PCCB: variants seen among roughly 807,000 people sequenced by gnomAD.
The protein encoded by PCCB is propionyl-CoA carboxylase subunit beta, also known as propionyl-CoA carboxylase beta chain, mitochondrial.
A neutral mutation model predicts 60.7 loss-of-function variants in PCCB; 43 were observed. The observed-to-expected ratio is 0.71, with a 90% CI of 0.55 to 0.91. PCCB has a LOEUF of 0.91. Among genes scored for constraint, PCCB ranks in the 40% least tolerant of loss-of-function variants. The pLI, the probability that PCCB is intolerant of heterozygous loss-of-function variation, is 0.00. For synonymous variants in PCCB, 276 were observed against 255.9 expected, an observed-to-expected ratio of 1.08 and a Z score of -0.75; for missense variants, 766 against 702.8, an observed-to-expected ratio of 1.09 and a Z score of -1.02.
chr3:136,330,101 C>T lies in PCCB; in HGVS notation c.*75C>T. 1 of 1,609,192 alleles carries T rather than the reference C, an allele frequency of 6.2e-7. No homozygotes were observed. Among genetic ancestry groups the T allele is most frequent in the South Asian group, 1.1e-5 (1 of 90,570 alleles). On this transcript the variant is annotated 3_prime_UTR_variant, in exon 15 of 15. Coordinates refer to ENST00000251654, the MANE Select transcript of PCCB (RefSeq NM_000532.5). ...ACATCCCATTCCTGCCTTTTGCAAT[C>T]ATGAAACCTGGGAATCCAAATAGTT...
chr3:136,265,145 A>T (rs1941952310), intron 5 of PCCB, among the ~76,000 whole-genome samples: 1 of 152,220 alleles, frequency 6.6e-6, no homozygotes, highest in South Asian at 2.1e-4. Flanking sequence ...GTGAACTGAG[A>T]TCATGCCACT....
At chr3:136,282,708 T>C (rs748096972) in intron 5 of PCCB, among the ~76,000 whole-genome samples, 1 of 152,228 alleles carries the variant, frequency 6.6e-6, no homozygotes, top group South Asian at 2.1e-4. Context: ...GCAGTGTTTA[T>C]AATCACATAT....
At chr3:136,300,978 A>G (rs1934250678) in intron 8 of PCCB, 52 bp from the exon 9 acceptor site, 1 of 1,372,800 alleles carries the variant, frequency 7.3e-7, no homozygotes, top group African/African-American at 1.4e-5. Context: ...TTCCCACAAA[A>G]GGTAACTGGC....
chr3:136,296,032 C>A (rs1933920170), intron 7 of PCCB, among the ~76,000 whole-genome samples: 1 of 152,064 alleles, frequency 6.6e-6, no homozygotes, highest in African/African-American at 2.4e-5. Flanking sequence ...GGGCAAGGCA[C>A]AAAAAGGTGC....
rs1002723398 is a variant in PCCB, at chr3:136,260,241, C to A, written c.373-238C>A. On this transcript the variant is annotated intron_variant, in intron 3 of 14. Coordinates refer to ENST00000251654, the MANE Select transcript of PCCB (RefSeq NM_000532.5). ...GGCATGTGCCACCATGCGCAGCTAA[C>A]TTTTTTCTATATTTTTTGCAGATAC... 1.1e-5 allele frequency: 6 copies of A among 570,410 alleles called. No individual in the cohort carries two copies. The Admixed American group carries it at 1.1e-4, about 11-fold the overall frequency. 35.3% of individuals were successfully genotyped at this position (570,410 alleles called of 1,614,324 possible).
chr3:136,265,005 C>T (rs939294360), intron 5 of PCCB, among the ~76,000 whole-genome samples: 3 of 151,456 alleles, frequency 2.0e-5, no homozygotes, highest in African/African-American at 7.3e-5. Flanking sequence ...ACCAGCCTGG[C>T]CAAGATGGTG....
In PCCB at chr3:136,256,572, G is replaced by A; in HGVS notation, c.321G>A (p.Val107=). The A allele has an allele frequency of 6.2e-7, 1 of 1,612,580 alleles. No homozygotes were observed. Among genetic ancestry groups the A allele is most frequent in the Non-Finnish European group, 8.5e-7 (1 of 1,178,606 alleles). ...TCTGGTAGTTTCCTGGAGACAGCGT[G>A]GTCACTGGACGAGGCCGAATCAATG... ...ADKNKFPGDS[V]VTGRGRINGR... The change falls in exon 3 of 15, where the codon GTG becomes GTA. Residue 107 remains valine (V), a synonymous_variant. Coordinates refer to ENST00000251654, the MANE Select transcript of PCCB (RefSeq NM_000532.5).
chr3:136,315,325 C>T (rs1177374009), intron 9 of PCCB, among the ~76,000 whole-genome samples: 1 of 151,240 alleles, frequency 6.6e-6, no homozygotes, highest in Non-Finnish European at 1.5e-5. Context: ...ATCACGAGGT[C>T]GAGATCGAGA....
chr3:136,326,505 C>T, intron 10 of PCCB: 1 of 659,968 alleles, frequency 1.5e-6, no homozygotes, highest in Non-Finnish European at 2.7e-6. Flanking sequence ...TGAATGCTGC[C>T]TCCCACTGAT....
Position 136,257,622 on chromosome 3 carries a change from C to T in PCCB, c.372+999C>T, listed in dbSNP as rs76507396. Among the ~76,000 whole-genome samples, 59 of 152,212 alleles carry T rather than the reference C, an allele frequency of 3.9e-4. No individual in the cohort carries two copies. In the East Asian group the frequency reaches 0.01, roughly 26 times the overall value. On this transcript the variant is annotated intron_variant, in intron 3 of 14. Coordinates refer to ENST00000251654, the MANE Select transcript of PCCB (RefSeq NM_000532.5). ...TGTATATAATTTAAAATGCTTAGGT[C>T]TTTTTACAGACCTAAAGTTTGATAT...
chr3:136,279,839 T>C (rs952615976), intron 5 of PCCB, among the ~76,000 whole-genome samples: 5 of 152,068 alleles, frequency 3.3e-5, no homozygotes, highest in Non-Finnish European at 7.4e-5. Context: ...GGCTAATTTT[T>C]GTATTTTTAG....
chr3:136,286,309 C>G (rs1234965343), intron 6 of PCCB, among the ~76,000 whole-genome samples: 1 of 152,232 alleles, frequency 6.6e-6, no homozygotes, highest in Admixed American at 6.5e-5. Context: ...TTTGCTCTAG[C>G]TGATCACTCC....
chr3:136,289,915 A>G (rs1933596668), intron 6 of PCCB, among the ~76,000 whole-genome samples: 1 of 152,098 alleles, frequency 6.6e-6, no homozygotes, highest in African/African-American at 2.4e-5. Context: ...TAGCAAAATC[A>G]TTCTAATTCC....
chr3:136,293,744 C>CT lies in PCCB; in HGVS notation c.655-8dup, dbSNP rs1933807987. 1 of 1,559,756 alleles carries CT rather than the reference C, an allele frequency of 6.4e-7. No homozygotes were observed. Among genetic ancestry groups the CT allele is most frequent in the Non-Finnish European group, 8.8e-7 (1 of 1,130,834 alleles). On this transcript the variant is annotated splice_polypyrimidine_tract_variant and intron_variant, in intron 6 of 14. Coordinates refer to ENST00000251654, the MANE Select transcript of PCCB (RefSeq NM_000532.5). Reference sequence around the variant, plus strand: ...CTCTGAGGTTGACTGTTCTGGAAATCTTTTATTTCAGGACACCTCCTACCT... The same window carrying CT: ...CTCTGAGGTTGACTGTTCTGGAAATCTTTTTATTTCAGGACACCTCCTACCT...
At chr3:136,288,489 G>T (rs1933526585) in intron 6 of PCCB, among the ~76,000 whole-genome samples, 1 of 151,322 alleles carries the variant, frequency 6.6e-6, no homozygotes, top group Non-Finnish European at 1.5e-5. Context: ...GGGACTACAG[G>T]CACACACTGC....
At chr3:136,311,990 T>G (rs544293997) in intron 9 of PCCB, among the ~76,000 whole-genome samples, 4 of 152,186 alleles carry the variant, frequency 2.6e-5, no homozygotes, top group Admixed American at 6.5e-5. Flanking sequence ...CAAGAATACC[T>G]AAGAATATAC....
intron 10 of PCCB, 69 bp downstream of exon 10, chr3:136,317,133 C>T: frequency 1.9e-6 from 3 of 1,544,414 alleles, no homozygotes; most frequent in Non-Finnish European, 2.7e-6. Flanking sequence ...CCATGGTATC[C>T]TTTCTGTCTT....
intron 5 of PCCB, among the ~76,000 whole-genome samples, chr3:136,279,927 A>G (rs1452890996): frequency 1.3e-5 from 2 of 152,088 alleles, no homozygotes; most frequent in African/African-American, 2.4e-5. Flanking sequence ...CGGCCTCCCA[A>G]AGTGCTGGGA....
chr3:136,293,769 T>G lies in PCCB; in HGVS notation c.668T>G (p.Leu223Arg). Residue 223 changes from leucine (L) to arginine (R), a missense_variant, in exon 7 of 15, where the codon CTG (leucine) becomes CGG (arginine). Transcript: ENST00000251654. ...CTTTTATTTCAGGACACCTCCTACC[T>G]GTTCATCACTGGCCCTGATGTTGTG... Reference protein sequence around the residue: ...FTFMVKDTSYLFITGPDVVKS... With the variant: ...FTFMVKDTSYRFITGPDVVKS... 1 of 1,609,066 alleles carries G rather than the reference T, an allele frequency of 6.2e-7. No homozygotes were observed. Among genetic ancestry groups the G allele is most frequent in the Non-Finnish European group, 8.5e-7 (1 of 1,175,486 alleles).
Sources: allele counts gnomAD v4.1 joint callset (sites outside exome capture counted in the v4.1 genomes callset), GRCh38; gene constraint gnomAD v4.1.1; transcripts MANE v1.5; gene names NCBI Gene and HGNC (gene_info 2026-07-23, HGNC 2026-07-21).